The following PTPN4 variants were observed in gnomAD, a reference collection of about 807,000 sequenced individuals.
PTPN4 encodes the protein protein tyrosine phosphatase non-receptor type 4, also known as tyrosine-protein phosphatase non-receptor type 4.
Under a neutral mutation model 135.5 loss-of-function variants are expected in PTPN4, and 49 were observed. That is an observed-to-expected ratio of 0.36 (90% confidence interval 0.29 to 0.46). The LOEUF (loss-of-function observed/expected upper bound fraction) is 0.46. PTPN4 is among the 20% of genes least tolerant of loss of function. The pLI, the probability that PTPN4 is intolerant of heterozygous loss-of-function variation, is 1.00. For missense variants in PTPN4, 860 were observed against 1,101.0 expected, an observed-to-expected ratio of 0.78 and a Z score of 3.10; for synonymous variants, 333 against 369.9, an observed-to-expected ratio of 0.90 and a Z score of 1.14.
chr2:119,935,133 T>C, intron 15 of PTPN4, 175 bp downstream of exon 15: 1 of 700,150 alleles, frequency 1.4e-6, no homozygotes, highest in Non-Finnish European at 2.3e-6. Flanking sequence ...TGCCTCTCCC[T>C]CCCCGACCCA....
At chr2:119,968,725 G>A (rs1179491317) in intron 26 of PTPN4, among the ~76,000 whole-genome samples, 1 of 152,108 alleles carries the variant, frequency 6.6e-6, no homozygotes. Context: ...CCGGGAGGCG[G>A]AGCTTGCAGT....
chr2:119,888,357 G>A (rs1384641990), intron 9 of PTPN4, among the ~76,000 whole-genome samples: 1 of 152,046 alleles, frequency 6.6e-6, no homozygotes, highest in Admixed American at 6.6e-5. Flanking sequence ...TTGCCTGAGT[G>A]TTCTGGCTAG....
chr2:119,823,871 T>C (rs1677107155), intron 2 of PTPN4, among the ~76,000 whole-genome samples: 1 of 152,234 alleles, frequency 6.6e-6, no homozygotes, highest in Admixed American at 6.5e-5. Context: ...GCTATTGTTT[T>C]ATGGTAAACT....
At chr2:119,852,890 T>C (rs1382675807) in intron 2 of PTPN4, among the ~76,000 whole-genome samples, 4 of 152,182 alleles carry the variant, frequency 2.6e-5, no homozygotes, top group African/African-American at 7.2e-5. Context: ...CAGAGTCCTC[T>C]TTGTCCTGTG....
chr2:119,948,805 T>C lies in PTPN4; in HGVS notation c.1656+2231T>C, dbSNP rs184349192. Among the ~76,000 whole-genome samples the C allele has an allele frequency of 1.3e-4, 20 of 152,288 alleles. 1 individual carries two copies. Among genetic ancestry groups the C allele is most frequent in the Admixed American group, 1.0e-3 (16 of 15,294 alleles). ...ATGGAAAAATATATAATTTCACATA[T>C]ATGTTTGAACCAGTTTATTAAAATA... On this transcript the variant is annotated intron_variant, in intron 18 of 26. Transcript: ENST00000263708.
chr2:119,891,153 G>C (rs1366693095), intron 9 of PTPN4, among the ~76,000 whole-genome samples: 1 of 152,154 alleles, frequency 6.6e-6, no homozygotes, highest in Non-Finnish European at 1.5e-5. Flanking sequence ...GGAAGGCTTT[G>C]CTCATTCTTT....
At chr2:119,810,288 T>C (rs1356165199) in intron 2 of PTPN4, among the ~76,000 whole-genome samples, 1 of 152,188 alleles carries the variant, frequency 6.6e-6, no homozygotes, top group Non-Finnish European at 1.5e-5. Flanking sequence ...GAAAAGAATT[T>C]GTTCTTCTAA....
At chr2:119,916,187 G>T (rs1678650819) in intron 11 of PTPN4, 1 of 149,512 alleles carries the variant, frequency 6.7e-6, no homozygotes, top group African/African-American at 2.5e-5. Context: ...ATGACATAGG[G>T]AGGCCCTGTC....
At chr2:119,932,841 A>G (rs1334712395) in intron 14 of PTPN4, among the ~76,000 whole-genome samples, 6 of 152,218 alleles carry the variant, frequency 3.9e-5, no homozygotes, top group Non-Finnish European at 7.3e-5. Context: ...AAGATCTGTT[A>G]GACTTAAAAT....
At chr2:119,926,457 A>G (rs1054821075) in intron 12 of PTPN4, 141 bp from the exon 13 acceptor site, 3 of 492,798 alleles carry the variant, frequency 6.1e-6, no homozygotes, top group Non-Finnish European at 7.1e-6. Flanking sequence ...AATGTTGTCC[A>G]GTCTTTTTAT....
chr2:119,960,799 C>CT lies in PTPN4; in HGVS notation c.2134-3dup. On this transcript the variant is annotated splice_region_variant and splice_polypyrimidine_tract_variant and intron_variant, in intron 22 of 26. Transcript: ENST00000263708. The stretch of plus-strand genomic sequence containing the variant: ...AAACATTTTATTTTCATGCCCTTTT[C>CT]TTTTTAGATGGAAATTCCTTCTTCC... 1 of 1,603,212 alleles carries CT rather than the reference C, an allele frequency of 6.2e-7. No homozygotes were observed. The highest frequency in any genetic ancestry group is 8.5e-7 in the Non-Finnish European group (1 of 1,177,156).
At chr2:119,789,578 A>G (rs1032666647) in intron 1 of PTPN4, among the ~76,000 whole-genome samples, 18 of 151,994 alleles carry the variant, frequency 1.2e-4, no homozygotes, top group African/African-American at 4.3e-4. Flanking sequence ...CATCCCATCT[A>G]TTTTGATGTG....
chr2:119,846,543 T>A (rs1322209536), intron 2 of PTPN4, among the ~76,000 whole-genome samples: 1 of 150,486 alleles, frequency 6.6e-6, no homozygotes, highest in African/African-American at 2.5e-5. Flanking sequence ...CAGCATATAC[T>A]TGCGTCTTAT....
chr2:119,934,415 C>A (rs963911285), intron 14 of PTPN4, among the ~76,000 whole-genome samples: 1 of 152,054 alleles, frequency 6.6e-6, no homozygotes. Context: ...CAAAGAAAGT[C>A]CCATAAATAA....
At chr2:119,776,360 A>G (rs932860455) in intron 1 of PTPN4, among the ~76,000 whole-genome samples, 2 of 152,094 alleles carry the variant, frequency 1.3e-5, no homozygotes, top group South Asian at 2.1e-4. Flanking sequence ...TGTTTTTAGT[A>G]GAGACGGGTT....
At chr2:119,841,238 G>A (rs1370522009) in intron 2 of PTPN4, among the ~76,000 whole-genome samples, 4 of 152,042 alleles carry the variant, frequency 2.6e-5, no homozygotes, top group Admixed American at 6.5e-5. Flanking sequence ...GTTTGAAAGT[G>A]TAAAATACAA....
At chr2:119,962,843 A>G in intron 24 of PTPN4, 99 bp downstream of exon 24, 4 of 1,037,564 alleles carry the variant, frequency 3.9e-6, no homozygotes, top group Non-Finnish European at 5.2e-6. Flanking sequence ...GCTAGGAAAT[A>G]CTATAAGAAT....
At chr2:119,787,412 T>G (rs1450159444) in intron 1 of PTPN4, among the ~76,000 whole-genome samples, 1 of 152,182 alleles carries the variant, frequency 6.6e-6, no homozygotes, top group South Asian at 2.1e-4. Flanking sequence ...AGTAGTATTC[T>G]TATTAATATT....
chr2:119,931,288 G>C, intron 13 of PTPN4, among the ~76,000 whole-genome samples: 1 of 151,798 alleles, frequency 6.6e-6, no homozygotes, highest in East Asian at 1.9e-4. Context: ...TATATTTTCA[G>C]CTAATTTTGT....
Sources: gnomAD v4.1 joint callset for allele counts (sites outside exome capture counted in the v4.1 genomes callset) on GRCh38, gnomAD v4.1.1 for gene constraint, MANE v1.5 for transcripts, NCBI Gene and HGNC (gene_info 2026-07-23, HGNC 2026-07-21) for gene names.